The following ROBO2 variants were observed in gnomAD, a reference collection of about 807,000 sequenced individuals.
ROBO2 encodes the protein roundabout homolog 2.
Under a neutral mutation model 160.8 loss-of-function variants are expected in ROBO2, and 53 were observed. The observed-to-expected ratio is 0.33, with a 90% CI of 0.26 to 0.41. The LOEUF (loss-of-function observed/expected upper bound fraction) is 0.41. Among genes scored for constraint, ROBO2 ranks in the 10% least tolerant of loss-of-function variants. The probability of loss-of-function intolerance (pLI) is 1.00; values close to 1 mark genes in which losing one functional copy is unlikely to be tolerated. For missense variants in ROBO2, 1,577 were observed against 1,722.4 expected, an observed-to-expected ratio of 0.92 and a Z score of 1.49; for synonymous variants, 664 against 611.7, an observed-to-expected ratio of 1.09 and a Z score of -1.26.
intron 1 of ROBO2, among the ~76,000 whole-genome samples, chr3:77,078,974 C>T (rs939440504): frequency 2.0e-5 from 3 of 152,084 alleles, no homozygotes; most frequent in Non-Finnish European, 4.4e-5. Flanking sequence ...GACAGAGTCT[C>T]GCTGTGTCAC....
chr3:77,473,736 G>C (rs928782976), intron 2 of ROBO2, among the ~76,000 whole-genome samples: 1 of 152,006 alleles, frequency 6.6e-6, no homozygotes, highest in Non-Finnish European at 1.5e-5. Context: ...GATTACAGGC[G>C]TGAGCCACCG....
rs17013716 is a variant in ROBO2, at chr3:76,057,295, A to T, written c.109+119693A>T. 2.3e-4 allele frequency among the ~76,000 whole-genome samples: 35 copies of T among 152,270 alleles called. No individual in the cohort carries two copies. In the South Asian group the frequency reaches 7.3e-3, roughly 32 times the overall value. On this transcript the variant is annotated intron_variant, in intron 2 of 26. Transcript: ENST00000487694. ...AGACTCTCCATCCTTGGGTTTATAC[A>T]ACACGTTTGTTCCTTCAGTAATTCA...
chr3:76,200,212 A>G (rs937002059), intron 2 of ROBO2, among the ~76,000 whole-genome samples: 2 of 152,100 alleles, frequency 1.3e-5, no homozygotes, highest in Admixed American at 1.3e-4. Flanking sequence ...ATCTTAGGCT[A>G]AACAAAGGAA....
chr3:77,615,715 A>T (rs2094758769), intron 21 of ROBO2, among the ~76,000 whole-genome samples: 1 of 152,190 alleles, frequency 6.6e-6, no homozygotes, highest in Non-Finnish European at 1.5e-5. Flanking sequence ...GATGTAATGC[A>T]GTTTATTTAT....
Position 76,298,483 on chromosome 3 carries a change from A to G in ROBO2, c.109+360881A>G, listed in dbSNP as rs190916478. Among the ~76,000 whole-genome samples the G allele has an allele frequency of 3.0e-4, 46 of 152,286 alleles. No individual in the cohort carries two copies. In the East Asian group the frequency reaches 8.7e-3, roughly 29 times the overall value. On this transcript the variant is annotated intron_variant, in intron 2 of 26. Coordinates refer to the ROBO2 transcript ENST00000487694. ...GGAGGTTGTTTGAAAATTTCTTTAA[A>G]TATATGACAGACATGCCCTACATCA...
intron 2 of ROBO2, among the ~76,000 whole-genome samples, chr3:77,249,299 T>A (rs2090091456): frequency 6.6e-6 from 1 of 152,246 alleles, no homozygotes; most frequent in Admixed American, 6.5e-5. Flanking sequence ...TATATATTTT[T>A]TACAATTGCT....
intron 2 of ROBO2, among the ~76,000 whole-genome samples, chr3:76,816,076 G>A (rs865846878): frequency 6.6e-6 from 1 of 152,034 alleles, no homozygotes; most frequent in Non-Finnish European, 1.5e-5. Context: ...CTGGATAACA[G>A]CAGAGAAGAT....
chr3:75,931,830 C>T (rs1365919338), intron 1 of ROBO2, among the ~76,000 whole-genome samples: 2 of 151,772 alleles, frequency 1.3e-5, no homozygotes, highest in African/African-American at 4.8e-5. Context: ...GGTTTCTGTA[C>T]CTGTCTTCAT....
intron 2 of ROBO2, among the ~76,000 whole-genome samples, chr3:76,682,169 C>T (rs575170167): frequency 2.6e-4 from 39 of 151,756 alleles, no homozygotes; most frequent in African/African-American, 1.5e-4. Flanking sequence ...AGGGGGTGGA[C>T]GTAGAGAAGG....
At chr3:75,922,415 A>C (rs1464516058) in intron 1 of ROBO2, among the ~76,000 whole-genome samples, 1 of 152,122 alleles carries the variant, frequency 6.6e-6, no homozygotes, top group African/African-American at 2.4e-5. Context: ...AAAATATAAA[A>C]CTTTTCTATT....
chr3:77,096,748 C>A (rs887132275), intron 1 of ROBO2, among the ~76,000 whole-genome samples: 1 of 152,130 alleles, frequency 6.6e-6, no homozygotes, highest in Non-Finnish European at 1.5e-5. Context: ...CCGTGCCCGG[C>A]CTCTCTTTCG....
chr3:76,773,323 G>A (rs1230950107), intron 2 of ROBO2, among the ~76,000 whole-genome samples: 2 of 150,720 alleles, frequency 1.3e-5, no homozygotes, highest in African/African-American at 2.4e-5. Flanking sequence ...GTGACTTCAT[G>A]AAGGATTTTT....
intron 16 of ROBO2, among the ~76,000 whole-genome samples, chr3:77,580,426 A>C (rs1331546296): frequency 1.3e-5 from 2 of 152,170 alleles, no homozygotes; most frequent in African/African-American, 4.8e-5. Flanking sequence ...AATATAATAA[A>C]AATGAGATAG....
intron 2 of ROBO2, among the ~76,000 whole-genome samples, chr3:77,232,123 G>C (rs2087297094): frequency 6.6e-6 from 1 of 152,042 alleles, no homozygotes; most frequent in African/African-American, 2.4e-5. Context: ...AGTGAAGCTG[G>C]GGATACAAAA....
At chr3:76,830,628 G>A (rs953144546) in intron 2 of ROBO2, among the ~76,000 whole-genome samples, 2 of 151,848 alleles carry the variant, frequency 1.3e-5, no homozygotes, top group Admixed American at 1.3e-4. Context: ...CTTTCCACAT[G>A]TTGTTTTATT....
At chr3:77,559,424 A>G (rs1267440415) in intron 9 of ROBO2, among the ~76,000 whole-genome samples, 3 of 152,080 alleles carry the variant, frequency 2.0e-5, no homozygotes, top group African/African-American at 7.2e-5. Context: ...TGGAGAGTAT[A>G]TTTTAGTAAT....
At chr3:77,053,766 A>T (rs1385701774) in intron 1 of ROBO2, among the ~76,000 whole-genome samples, 1 of 152,206 alleles carries the variant, frequency 6.6e-6, no homozygotes, top group Non-Finnish European at 1.5e-5. Context: ...TTTGGTATAT[A>T]AATGTAAACT....
intron 2 of ROBO2, among the ~76,000 whole-genome samples, chr3:76,400,198 G>C (rs2077732972): frequency 6.6e-6 from 1 of 151,554 alleles, no homozygotes; most frequent in Non-Finnish European, 1.5e-5. Context: ...ATAAAAAATT[G>C]CATTGAAGCA....
intron 2 of ROBO2, among the ~76,000 whole-genome samples, chr3:77,303,924 G>A (rs974657550): frequency 2.0e-5 from 3 of 152,108 alleles, no homozygotes; most frequent in Non-Finnish European, 2.9e-5. Flanking sequence ...ACCTTTGTAA[G>A]AGGTTGTGCT....
Sources: allele counts gnomAD v4.1 joint callset (sites outside exome capture counted in the v4.1 genomes callset), GRCh38; gene constraint gnomAD v4.1.1; transcripts MANE v1.5; gene names NCBI Gene and HGNC (gene_info 2026-07-23, HGNC 2026-07-21).